Variants in MAST1 observed in about 807,000 individuals in gnomAD.
MAST1 encodes microtubule-associated serine/threonine-protein kinase 1.
A neutral mutation model predicts 124.6 loss-of-function variants in MAST1; 40 were observed. The ratio of observed to expected loss-of-function variants is 0.32; its 90% CI spans 0.25 to 0.42. The LOEUF is 0.42. Among genes scored for constraint, MAST1 ranks in the 10% least tolerant of loss-of-function variants. The pLI, the probability that MAST1 is intolerant of heterozygous loss-of-function variation, is 1.00. For missense variants in MAST1, 1,558 were observed against 2,181.9 expected (o/e 0.71, Z 5.70); for synonymous variants, 938 against 939.4 (o/e 1.00, Z 0.03).
intron 18 of MAST1, among the ~76,000 whole-genome samples, chr19:12,867,040 G>C (rs1345372845): frequency 6.6e-6 from 1 of 152,166 alleles, no homozygotes; most frequent in Non-Finnish European, 1.5e-5. Context: ...GGGTCAGGAC[G>C]TGGGAATGAG....
At position 12,869,238 on chromosome 19, in the gene MAST1, T is replaced by C; in HGVS notation, c.2946T>C (p.Arg982=). 1 of 1,614,138 alleles carries C rather than the reference T, an allele frequency of 6.2e-7. No homozygotes were observed. Among genetic ancestry groups the C allele is most frequent in the Non-Finnish European group, 8.5e-7 (1 of 1,180,014 alleles). The part of the protein sequence containing the change: ...RSGKKYGFTL[R]AIRVYMGDTD... ...GCAAGAAGTATGGCTTCACACTGCG[T>C]GCCATCCGTGTCTACATGGGTGACA... The change falls in exon 22 of 26, where the codon CGT becomes CGC. Residue 982 remains arginine (R), a synonymous_variant. Coordinates refer to ENST00000251472, the MANE Select transcript of MAST1 (RefSeq NM_014975.3).
intron 2 of MAST1, 104 bp downstream of exon 2, chr19:12,840,638 G>A: frequency 1.2e-6 from 1 of 834,476 alleles, no homozygotes; most frequent in Non-Finnish European, 2.0e-6. Flanking sequence ...CAGTTTGAAT[G>A]GAGGCGAACC....
rs757467714 is a variant in MAST1 at position 12,843,553 on chromosome 19, G to A, written c.273G>A (p.Leu91=). ...SRRADGRRWS[L]ASLPSSGYGT... ...GGGCGGACGGACGCCGGTGGTCTCT[G>A]GCCTCGCTCCCTTCATCTGGCTATG... Residue 91 remains leucine, a synonymous_variant, in exon 4 of 26, where the codon CTG becomes CTA. Transcript: ENST00000251472. The surrounding 1 kb of genome is among the most constrained non-coding windows in gnomAD (Gnocchi z 4.9). 3 of 1,613,742 alleles carry A rather than the reference G, an allele frequency of 1.9e-6. No individual in the cohort carries two copies. Among genetic ancestry groups the A allele is most frequent in the Non-Finnish European group, 2.5e-6 (3 of 1,179,902 alleles).
rs1969828172 is a variant in MAST1 at position 12,841,582 on chromosome 19, C to A, written c.248+516C>A. Among the ~76,000 whole-genome samples the A allele has an allele frequency of 6.6e-6, 1 of 152,146 alleles. No homozygotes were observed. The highest frequency in any genetic ancestry group is 1.5e-5 in the Non-Finnish European group (1 of 68,026). On this transcript the variant is annotated intron_variant, in intron 3 of 25. Coordinates refer to ENST00000251472, the MANE Select transcript of MAST1 (RefSeq NM_014975.3). This position sits in a 1 kb window ranked among gnomAD's most constrained non-coding sequence, Gnocchi z 4.3. Reference sequence around the variant, plus strand: ...GGGCCTTTGGTGAAACTGGGGGAGGCAGAGAGGTTTCTCTGATGTTTTCTG... The same window carrying A: ...GGGCCTTTGGTGAAACTGGGGGAGGAAGAGAGGTTTCTCTGATGTTTTCTG...
Position 12,843,664 on chromosome 19 carries a change from G to C in MAST1, c.327+57G>C. The C allele has an allele frequency of 6.6e-7, 1 of 1,506,952 alleles. No individual in the cohort carries two copies. Among genetic ancestry groups the C allele is most frequent in the Non-Finnish European group, 9.2e-7 (1 of 1,091,708 alleles). 93.3% of individuals were successfully genotyped at this position (1,506,952 alleles called of 1,614,324 possible). On this transcript the variant is annotated intron_variant, in intron 4 of 25. Transcript: ENST00000251472. This position sits in a 1 kb window ranked among gnomAD's most constrained non-coding sequence, Gnocchi z 4.9. ...GGGTAAGGAATTCAGGGGCCCTCCAGCCTGAAGACCCACACCCAGGCCAGC... is the reference window on the plus strand; with the variant it reads ...GGGTAAGGAATTCAGGGGCCCTCCACCCTGAAGACCCACACCCAGGCCAGC...
At chr19:12,864,647 A>T (rs969740005) in intron 12 of MAST1, among the ~76,000 whole-genome samples, 162 bp from the exon 13 acceptor site, 3 of 152,208 alleles carry the variant, frequency 2.0e-5, no homozygotes, top group Non-Finnish European at 4.4e-5. Flanking sequence ...GAGGACAAGA[A>T]GAACCCAGTA....
At position 12,869,279 on chromosome 19, in the gene MAST1, T is replaced by G. The variant is rs1313240273; in HGVS notation, c.2987T>G (p.Val996Gly). 1 of 1,613,850 alleles carries G rather than the reference T, an allele frequency of 6.2e-7. No homozygotes were observed. The change falls in exon 22 of 26, where the codon GTC becomes GGC. Residue 996 changes from valine (V) to glycine (G), a missense_variant. This residue lies in a region of MAST1 where 291 missense variants were observed against 475.8 expected (regional missense o/e 0.61). Coordinates refer to ENST00000251472, the MANE Select transcript of MAST1 (RefSeq NM_014975.3). ...VYMGDTDVYS[V>G]HHIVWHVEEG... ...ATGGGTGACACGGATGTCTATAGTG[T>G]CCACCACATTGTCTGGGTGAGTACT...
Position 12,874,354 on chromosome 19 carries a change from C to T in MAST1, c.4197C>T (p.Gly1399=). 2 of 1,597,846 alleles carry T rather than the reference C, an allele frequency of 1.3e-6. No homozygotes were observed. The highest frequency in any genetic ancestry group is 1.7e-6 in the Non-Finnish European group (2 of 1,178,792). Residue 1399 remains glycine (G), a synonymous_variant, in exon 26 of 26, where the codon GGC becomes GGT. Coordinates refer to ENST00000251472, the MANE Select transcript of MAST1 (RefSeq NM_014975.3). This position sits in a 1 kb window ranked among gnomAD's most constrained non-coding sequence, Gnocchi z 6.6. ...ATCAGAGCGTGCAGACGGAGGATGG[C>T]ACTGGCGGGATGGCCAGGGCTGTGG... ...TRHQSVQTED[G]TGGMARAVAK... is the part of the protein sequence containing the mutation.
intron 10 of MAST1, 82 bp from the exon 11 acceptor site, chr19:12,858,280 T>C: frequency 8.1e-7 from 1 of 1,239,346 alleles, no homozygotes; most frequent in South Asian, 1.4e-5. Flanking sequence ...TGTGCCTCAG[T>C]TTCCCCATGT....
Position 12,847,428 on chromosome 19 carries a change from C to A in MAST1, c.466C>A (p.Arg156=). 2 of 1,613,648 alleles carry A rather than the reference C, an allele frequency of 1.2e-6. No individual in the cohort carries two copies. Among genetic ancestry groups the A allele is most frequent in the Non-Finnish European group, 1.7e-6 (2 of 1,179,956 alleles). The change falls in exon 5 of 26, where the codon CGG becomes AGG. Residue 156 remains arginine (R), a synonymous_variant. Transcript: ENST00000251472. The surrounding 1 kb of genome is among the most constrained non-coding windows in gnomAD (Gnocchi z 5.5). ...TGGTGGCCGTCGCTCCCCAGCCGTG[C>A]GGCCCCGCTCACGGAGCCTCAGGTG... ...EDGGRRSPAV[R]PRSRSLSPGR...
At chr19:12,860,049 G>T (rs1005156919) in intron 12 of MAST1, among the ~76,000 whole-genome samples, 2 of 150,860 alleles carry the variant, frequency 1.3e-5, no homozygotes, top group African/African-American at 4.9e-5. Flanking sequence ...CTCACATCCC[G>T]CAATTTGTCT....
At chr19:12,856,456 C>T (rs1019418882) in intron 10 of MAST1, among the ~76,000 whole-genome samples, 1 of 152,018 alleles carries the variant, frequency 6.6e-6, no homozygotes, top group Non-Finnish European at 1.5e-5. Flanking sequence ...GCAACCACCA[C>T]CACGCCTGGC....
Position 12,847,341 on chromosome 19 carries a change from G to A in MAST1, c.379G>A (p.Val127Met), listed in dbSNP as rs1325746037. The A allele has an allele frequency of 6.2e-7, 1 of 1,613,932 alleles. No individual in the cohort carries two copies. Among genetic ancestry groups the A allele is most frequent in the South Asian group, 1.1e-5 (1 of 91,064 alleles). The part of the protein sequence containing the change: ...RLHQLPYQPT[V>M]DELHFLSKHF... ...TCACCAGCTGCCCTACCAGCCCACGGTGGACGAGCTCCACTTCCTCTCCAA... is the reference window on the plus strand; with the variant it reads ...TCACCAGCTGCCCTACCAGCCCACGATGGACGAGCTCCACTTCCTCTCCAA... Residue 127 changes from valine to methionine, a missense_variant, in exon 5 of 26, where the codon GTG (valine) becomes ATG (methionine). This residue lies in a region of MAST1 where 165 missense variants were observed against 315.3 expected (regional missense o/e 0.52). Transcript: ENST00000251472. The surrounding 1 kb of genome is among the most constrained non-coding windows in gnomAD (Gnocchi z 5.5).
Position 12,874,128 on chromosome 19 carries a change from G to T in MAST1, c.3971G>T (p.Arg1324Leu). The change falls in exon 26 of 26, where the codon CGG becomes CTG. Residue 1324 changes from arginine to leucine, a missense_variant. By Grantham distance (102) the Arg-to-Leu change is moderately radical (BLOSUM62 -2). Transcript: ENST00000251472. The surrounding 1 kb of genome is among the most constrained non-coding windows in gnomAD (Gnocchi z 6.6). ...CCAGTCGAGGGCCTTGGCGCGCCCC[G>T]GCAGGTCGCCGTCCGCCGCCTGGGC... ...TPPVEGLGAPRQVAVRRLGRQ... is the reference protein window; with the variant it reads ...TPPVEGLGAPLQVAVRRLGRQ... 1 of 1,543,448 alleles carries T rather than the reference G, an allele frequency of 6.5e-7. No individual in the cohort carries two copies. Among genetic ancestry groups the T allele is most frequent in the South Asian group, 1.2e-5 (1 of 84,300 alleles).
In MAST1 at chr19:12,866,181, G is replaced by A. The variant is rs111976651; in HGVS notation, c.2029+79G>A. 56 of 1,379,548 alleles carry A rather than the reference G, an allele frequency of 4.1e-5. No homozygotes were observed. The Middle Eastern group carries it at 8.4e-4, about 21-fold the overall frequency. 85.5% of individuals were successfully genotyped at this position (1,379,548 alleles called of 1,614,324 possible). The stretch of plus-strand genomic sequence containing the variant: ...GGACCCTGGGGTAAGTAAAGCCTGG[G>A]ATAGGGCCTGGCTAAGTACCAAGAT... On this transcript the variant is annotated intron_variant, in intron 17 of 25. Transcript: ENST00000251472. This position sits in a 1 kb window ranked among gnomAD's most constrained non-coding sequence, Gnocchi z 5.2.
chr19:12,863,149 ACT>A (rs1402649760), intron 12 of MAST1, among the ~76,000 whole-genome samples: 6 of 132,416 alleles, frequency 4.5e-5, no homozygotes, highest in African/African-American at 1.8e-4. Context: ...ACAGAGCCAG[ACT>A]CTGACTCAAA....
Position 12,874,211 on chromosome 19 carries a change from A to G in MAST1, c.4054A>G (p.Arg1352Gly). Residue 1352 changes from arginine to glycine, a missense_variant, in exon 26 of 26, where the codon AGG becomes GGG. Arg to Gly is a moderately radical substitution (Grantham distance 125). Transcript: ENST00000251472. This position sits in a 1 kb window ranked among gnomAD's most constrained non-coding sequence, Gnocchi z 6.6. ...CCCGTTGCTGCCCGAGGGTGCCTCC[A>G]GGCCACCAGTGTCGAGCAAGGAGAA... The part of the protein sequence containing the change: ...ADPLLPEGAS[R>G]PPVSSKEKES... 4.5e-6 allele frequency: 7 copies of G among 1,545,544 alleles called. No homozygotes were observed. Among genetic ancestry groups the G allele is most frequent in the Non-Finnish European group, 6.1e-6 (7 of 1,148,252 alleles).
At position 12,843,878 on chromosome 19, in the gene MAST1, G is replaced by T. The variant is rs1969859908; in HGVS notation, c.327+271G>T. On this transcript the variant is annotated intron_variant, in intron 4 of 25. Coordinates refer to ENST00000251472, the MANE Select transcript of MAST1 (RefSeq NM_014975.3). The surrounding 1 kb of genome is among the most constrained non-coding windows in gnomAD (Gnocchi z 4.9). ...TATCTGGGCGTGGTGGTGCACACCT[G>T]TGGTCCCCACTATTTGGGAGGCTGA... Among the ~76,000 whole-genome samples, 1 of 152,160 alleles carries T rather than the reference G, an allele frequency of 6.6e-6. No homozygotes were observed. Among genetic ancestry groups the T allele is most frequent in the Admixed American group, 6.6e-5 (1 of 15,260 alleles).
rs770517071 is a variant in MAST1 at position 12,870,966 on chromosome 19, C to T, written c.3126+20C>T. ...CTTAAGGTGAGTGCAGGGAAGGAGGCACCCTGGGCGGAGGGTGGGGGAGGC... is the reference window on the plus strand; with the variant it reads ...CTTAAGGTGAGTGCAGGGAAGGAGGTACCCTGGGCGGAGGGTGGGGGAGGC... On this transcript the variant is annotated intron_variant, in intron 23 of 25. Coordinates refer to ENST00000251472, the MANE Select transcript of MAST1 (RefSeq NM_014975.3). 3 of 1,613,274 alleles carry T rather than the reference C, an allele frequency of 1.9e-6. No homozygotes were observed. In the Admixed American group the frequency reaches 5.0e-5, roughly 27 times the overall value.
Sources: gnomAD v4.1 joint callset for allele counts (sites outside exome capture counted in the v4.1 genomes callset) on GRCh38, gnomAD v4.1.1 for gene constraint, gnomAD v4.1.1 regional missense constraint, Gnocchi (gnomAD v3.1) non-coding constraint, MANE v1.5 for transcripts, NCBI Gene and HGNC (gene_info 2026-07-23, HGNC 2026-07-21) for gene names.